CACNB2: variants seen among roughly 807,000 people sequenced by gnomAD.
CACNB2 encodes the protein voltage-dependent L-type calcium channel subunit beta-2.
In CACNB2, 42 loss-of-function variants were observed where a neutral mutation model predicts 73.3. The observed-to-expected ratio is 0.57, with a 90% CI of 0.45 to 0.74. CACNB2 has a LOEUF of 0.74. Among genes scored for constraint, CACNB2 ranks in the 30% least tolerant of loss-of-function variants. The pLI is 0.00. For synonymous variants in CACNB2, 348 were observed against 310.3 expected, an observed-to-expected ratio of 1.12 and a Z score of -1.28; for missense variants, 940 against 853.0, an observed-to-expected ratio of 1.10 and a Z score of -1.27.
intron 3 of CACNB2, among the ~76,000 whole-genome samples, chr10:18,491,175 C>T (rs1311902709): frequency 6.6e-6 from 1 of 152,242 alleles, no homozygotes; most frequent in Non-Finnish European, 1.5e-5. Context: ...CCACTGGCCT[C>T]AAACATTCAT....
intron 2 of CACNB2, among the ~76,000 whole-genome samples, chr10:18,219,299 A>T (rs2035634456): frequency 6.6e-6 from 1 of 152,216 alleles, no homozygotes; most frequent in Admixed American, 6.5e-5. Context: ...CTCAGCAGTC[A>T]TTGTTCTCTG....
chr10:18,218,639 T>G (rs1564351874), intron 2 of CACNB2, among the ~76,000 whole-genome samples: 1 of 152,062 alleles, frequency 6.6e-6, no homozygotes, highest in African/African-American at 2.4e-5. Flanking sequence ...CCCAGTACTT[T>G]TGGGTGGATC....
intron 2 of CACNB2, among the ~76,000 whole-genome samples, chr10:18,252,631 AATAG>A (rs1379991915): frequency 1.3e-5 from 2 of 152,176 alleles, no homozygotes; most frequent in Non-Finnish European, 2.9e-5. Flanking sequence ...CAAGGTGAGG[AATAG>A]ATAGATACAT....
chr10:18,279,695 C>G (rs1045551324), intron 2 of CACNB2, among the ~76,000 whole-genome samples: 1 of 152,218 alleles, frequency 6.6e-6, no homozygotes, highest in African/African-American at 2.4e-5. Context: ...TTTAGGCAAC[C>G]TGTTAGAAAT....
intron 2 of CACNB2, chr10:18,340,782 C>A: frequency 6.3e-7 from 1 of 1,575,728 alleles, no homozygotes; most frequent in Admixed American, 1.8e-5. Context: ...TAAGACTACA[C>A]ACCCCAAGCC....
chr10:18,365,378 A>G lies in CACNB2; in HGVS notation c.214-36546A>G, dbSNP rs140040094. On this transcript the variant is annotated intron_variant, in intron 2 of 13. Transcript: ENST00000324631. The stretch of plus-strand genomic sequence containing the variant: ...TAATTTTCAACCTTTCTTCATCCAT[A>G]TTTGACAGTTATTTGGTGACGGCCA... Among the ~76,000 whole-genome samples the G allele has an allele frequency of 3.6e-3, 551 of 152,262 alleles. 2 individuals are homozygous for G. Among genetic ancestry groups the G allele is most frequent in the African/African-American group, 0.013 (529 of 41,554 alleles).
chr10:18,437,991 G>A (rs1460062234), intron 3 of CACNB2, among the ~76,000 whole-genome samples: 2 of 143,994 alleles, frequency 1.4e-5, no homozygotes, highest in East Asian at 4.1e-4. Flanking sequence ...CGGGATACCT[G>A]GCCCAGTTGG....
chr10:18,159,170 C>T (rs1040077465), intron 2 of CACNB2, among the ~76,000 whole-genome samples: 1 of 152,040 alleles, frequency 6.6e-6, no homozygotes, highest in Non-Finnish European at 1.5e-5. Flanking sequence ...GGATGACTGC[C>T]AGCTTTGCTT....
chr10:18,378,729 G>A (rs570477898), intron 2 of CACNB2, among the ~76,000 whole-genome samples: 1 of 152,160 alleles, frequency 6.6e-6, no homozygotes, highest in Non-Finnish European at 1.5e-5. Flanking sequence ...CCAGTCTGGG[G>A]AAACCCTGTC....
At chr10:18,531,166 C>T (rs1375331335) in intron 10 of CACNB2, among the ~76,000 whole-genome samples, 5 of 152,176 alleles carry the variant, frequency 3.3e-5, no homozygotes, top group Non-Finnish European at 7.4e-5. Context: ...TCAACACTAG[C>T]CGCAATGAAA....
chr10:18,336,629 A>G (rs200715748), intron 2 of CACNB2, among the ~76,000 whole-genome samples: 2 of 30,106 alleles, frequency 6.6e-5, no homozygotes, highest in South Asian at 7.8e-4. Context: ...TCAAAAAAAG[A>G]AAAAAAAAAA....
intron 3 of CACNB2, among the ~76,000 whole-genome samples, chr10:18,437,594 C>G (rs1166179185): frequency 1.3e-5 from 2 of 152,174 alleles, no homozygotes; most frequent in Non-Finnish European, 2.9e-5. Context: ...GGCCAAAATT[C>G]AATCACGTGG....
intron 2 of CACNB2, among the ~76,000 whole-genome samples, chr10:18,198,963 T>A (rs1346061070): frequency 6.6e-6 from 1 of 152,210 alleles, no homozygotes; most frequent in African/African-American, 2.4e-5. Context: ...TGTTGGATAA[T>A]GTCTCATTTA....
At chr10:18,367,405 A>G (rs978197034) in intron 2 of CACNB2, among the ~76,000 whole-genome samples, 1 of 152,164 alleles carries the variant, frequency 6.6e-6, no homozygotes, top group Non-Finnish European at 1.5e-5. Context: ...TATAAGTGTA[A>G]CTATAGACAG....
chr10:18,469,627 G>A (rs1371818228), intron 3 of CACNB2, among the ~76,000 whole-genome samples: 3 of 152,172 alleles, frequency 2.0e-5, no homozygotes, highest in Non-Finnish European at 4.4e-5. Context: ...ATTACAAGTA[G>A]TTCGGTTCTA....
At chr10:18,513,522 G>T (rs1053032535) in intron 6 of CACNB2, 2 of 389,220 alleles carry the variant, frequency 5.1e-6, no homozygotes, top group Non-Finnish European at 1.0e-5. Context: ...AACCACCACC[G>T]CACTGTACGT....
intron 2 of CACNB2, among the ~76,000 whole-genome samples, chr10:18,388,556 A>T (rs1374389559): frequency 1.3e-5 from 2 of 152,146 alleles, no homozygotes; most frequent in Non-Finnish European, 2.9e-5. Context: ...TGTTTTTTTA[A>T]TATTAAGTCT....
chr10:18,404,911 T>G (rs1272553754), intron 3 of CACNB2, among the ~76,000 whole-genome samples: 1 of 152,222 alleles, frequency 6.6e-6, no homozygotes, highest in Non-Finnish European at 1.5e-5. Context: ...AGATGTTAAT[T>G]TTGAGGCCAA....
chr10:18,275,972 T>TA (rs1483008503), intron 2 of CACNB2, among the ~76,000 whole-genome samples: 7 of 152,244 alleles, frequency 4.6e-5, no homozygotes, highest in Admixed American at 3.3e-4. Flanking sequence ...TGTTCAGATT[T>TA]AATGAGGAAA....
Sources: allele counts gnomAD v4.1 joint callset (sites outside exome capture counted in the v4.1 genomes callset), GRCh38; gene constraint gnomAD v4.1.1; transcripts MANE v1.5; gene names NCBI Gene and HGNC (gene_info 2026-07-23, HGNC 2026-07-21).